SGCZ: variants seen among roughly 807,000 people sequenced by gnomAD.
SGCZ encodes sarcoglycan zeta, also known as zeta-sarcoglycan.
A neutral mutation model predicts 41.3 loss-of-function variants in SGCZ; 40 were observed. That is an observed-to-expected ratio of 0.97 (90% CI 0.75 to 1.26). SGCZ has a LOEUF of 1.26. Among genes scored for constraint, SGCZ ranks in the 50% most tolerant of loss-of-function variants. The pLI is 0.00. For synonymous variants in SGCZ, 206 were observed against 137.5 expected, an observed-to-expected ratio of 1.50 and a Z score of -3.49; for missense variants, 552 against 369.8, an observed-to-expected ratio of 1.49 and a Z score of -4.04.
intron 1 of SGCZ, among the ~76,000 whole-genome samples, chr8:14,747,586 A>T (rs1799370877): frequency 6.6e-6 from 1 of 151,810 alleles, no homozygotes; most frequent in Admixed American, 6.6e-5. Flanking sequence ...ATTTGTTATA[A>T]TTTTTTTCAG....
chr8:14,764,559 A>G (rs529109283), intron 1 of SGCZ, among the ~76,000 whole-genome samples: 27 of 152,270 alleles, frequency 1.8e-4, no homozygotes, highest in East Asian at 1.2e-3. Context: ...ACCATAACCT[A>G]TATACAAACG....
At chr8:14,271,261 C>T (rs952384213) in intron 3 of SGCZ, among the ~76,000 whole-genome samples, 5 of 151,844 alleles carry the variant, frequency 3.3e-5, no homozygotes, top group South Asian at 2.1e-4. Flanking sequence ...TTAAAAAGAT[C>T]TGTGAATCGT....
intron 1 of SGCZ, among the ~76,000 whole-genome samples, chr8:14,959,904 C>G (rs1330511641): frequency 6.6e-6 from 1 of 152,120 alleles, no homozygotes; most frequent in Non-Finnish European, 1.5e-5. Flanking sequence ...TTCCAGCACG[C>G]GCTGAGGGAA....
intron 1 of SGCZ, among the ~76,000 whole-genome samples, chr8:14,569,180 G>A (rs1011334810): frequency 6.6e-6 from 1 of 152,046 alleles, no homozygotes; most frequent in South Asian, 2.1e-4. Flanking sequence ...ATATAAAATT[G>A]AGCTATTTAG....
intron 3 of SGCZ, among the ~76,000 whole-genome samples, chr8:14,312,588 C>G (rs1801584519): frequency 6.6e-6 from 1 of 151,888 alleles, no homozygotes; most frequent in East Asian, 1.9e-4. Flanking sequence ...CTGTGAATAG[C>G]CACTGCACTC....
At chr8:14,708,597 C>A (rs972372374) in intron 1 of SGCZ, among the ~76,000 whole-genome samples, 1 of 151,766 alleles carries the variant, frequency 6.6e-6, no homozygotes, top group East Asian at 1.9e-4. Context: ...GGAAAGGGCT[C>A]TCAGGAATCA....
At chr8:14,598,504 C>G (rs866586246) in intron 1 of SGCZ, among the ~76,000 whole-genome samples, 1 of 151,574 alleles carries the variant, frequency 6.6e-6, no homozygotes, top group South Asian at 2.1e-4. Flanking sequence ...TATATATACA[C>G]AAACACATAG....
chr8:14,832,939 T>C (rs1366953019), intron 1 of SGCZ, among the ~76,000 whole-genome samples: 1 of 152,180 alleles, frequency 6.6e-6, no homozygotes, highest in Non-Finnish European at 1.5e-5. Flanking sequence ...ATATTCATAA[T>C]TCAATTACCA....
chr8:14,182,490 G>GCCTT (rs1221217991), intron 4 of SGCZ, among the ~76,000 whole-genome samples: 5 of 152,152 alleles, frequency 3.3e-5, no homozygotes. Flanking sequence ...CTGTATGGAA[G>GCCTT]CCTTACTCAT....
chr8:14,133,236 T>A (rs1327129141), intron 5 of SGCZ, among the ~76,000 whole-genome samples: 1 of 152,218 alleles, frequency 6.6e-6, no homozygotes, highest in Non-Finnish European at 1.5e-5. Flanking sequence ...ACACATGTGA[T>A]TCTGAACGTC....
chr8:14,817,126 T>C (rs1455093173), intron 1 of SGCZ, among the ~76,000 whole-genome samples: 1 of 152,174 alleles, frequency 6.6e-6, no homozygotes, highest in East Asian at 1.9e-4. Context: ...AACACTTCAT[T>C]ACATGTTGCA....
intron 1 of SGCZ, among the ~76,000 whole-genome samples, chr8:15,228,124 G>T (rs1265774711): frequency 1.3e-5 from 2 of 152,106 alleles, no homozygotes; most frequent in Non-Finnish European, 2.9e-5. Context: ...TACATTAAGA[G>T]CTATTAATGT....
At chr8:14,638,547 C>T (rs1806911603) in intron 1 of SGCZ, among the ~76,000 whole-genome samples, 1 of 151,818 alleles carries the variant, frequency 6.6e-6, no homozygotes, top group Admixed American at 6.6e-5. Context: ...AACTCCTTAG[C>T]ATATTGTTAT....
At chr8:14,353,897 C>G (rs1005660584) in intron 2 of SGCZ, among the ~76,000 whole-genome samples, 3 of 152,068 alleles carry the variant, frequency 2.0e-5, no homozygotes, top group Non-Finnish European at 4.4e-5. Context: ...ATTCCTATAA[C>G]CACCCAGATT....
chr8:14,408,362 C>T (rs1799267293), intron 2 of SGCZ, among the ~76,000 whole-genome samples: 1 of 152,078 alleles, frequency 6.6e-6, no homozygotes, highest in East Asian at 1.9e-4. Context: ...CTAGAAAGCA[C>T]CATCTGGACC....
chr8:14,348,386 G>A (rs532101380), intron 2 of SGCZ, among the ~76,000 whole-genome samples: 5 of 152,084 alleles, frequency 3.3e-5, no homozygotes, highest in East Asian at 1.9e-4. Flanking sequence ...CTGGCTTTTC[G>A]AGCAGTGAGC....
Position 15,162,398 on chromosome 8 carries a change from CA to C in SGCZ, c.39+75186del, listed in dbSNP as rs1046161516. Among the ~76,000 whole-genome samples, 185 of 152,282 alleles carry C rather than the reference CA, an allele frequency of 1.2e-3. 1 individual carries two copies. The highest frequency in any genetic ancestry group is 4.4e-3 in the African/African-American group (181 of 41,558). ...AGGAGAATGGCATTTAAATTTTAGA[CA>C]ACTGATACTTTTCTTTCTTACAGCT... On this transcript the variant is annotated intron_variant, in intron 1 of 7. Transcript: ENST00000382080.
intron 1 of SGCZ, among the ~76,000 whole-genome samples, chr8:14,826,203 G>A (rs943871835): frequency 4.6e-5 from 7 of 151,120 alleles, no homozygotes; most frequent in East Asian, 3.9e-4. Context: ...TTGTCCTTGC[G>A]ATAGTTTGCT....
intron 1 of SGCZ, among the ~76,000 whole-genome samples, chr8:15,123,260 C>T (rs987118537): frequency 6.6e-6 from 1 of 152,130 alleles, no homozygotes; most frequent in Non-Finnish European, 1.5e-5. Flanking sequence ...TTCTTCAGTT[C>T]TTTTTCCTTG....
Sources: gnomAD v4.1 joint callset for allele counts (sites outside exome capture counted in the v4.1 genomes callset) on GRCh38, gnomAD v4.1.1 for gene constraint, MANE v1.5 for transcripts, NCBI Gene and HGNC (gene_info 2026-07-23, HGNC 2026-07-21) for gene names.